Variants in DNAJC10 observed in about 807,000 individuals in gnomAD.
DNAJC10 encodes the protein endoplasmic reticulum disulfide reductase DNAJC10.
A neutral mutation model predicts 115.0 loss-of-function variants in DNAJC10; 101 were observed. The ratio of observed to expected loss-of-function variants is 0.88; its 90% CI spans 0.75 to 1.04. The LOEUF (loss-of-function observed/expected upper bound fraction) is 1.04, where lower values mean the gene tolerates loss of function less well. Ranked by LOEUF, DNAJC10 falls within the 50% of genes least tolerant of loss-of-function variation. The probability of loss-of-function intolerance (pLI) is 0.00; values close to 1 mark genes in which losing one functional copy is unlikely to be tolerated. For missense variants in DNAJC10, 981 were observed against 928.8 expected (o/e 1.06, Z -0.73); for synonymous variants, 307 against 301.5 (o/e 1.02, Z -0.19).
At chr2:182,728,838 A>G in intron 6 of DNAJC10, 25 bp from the exon 7 acceptor site, 1 of 1,613,522 alleles carries the variant, frequency 6.2e-7, no homozygotes, top group Non-Finnish European at 8.5e-7. Context: ...TTATCAGAGA[A>G]ATATGTTTTC....
intron 22 of DNAJC10, 73 bp downstream of exon 22, chr2:182,762,874 G>GTT: frequency 6.9e-7 from 1 of 1,457,206 alleles, no homozygotes; most frequent in Non-Finnish European, 9.2e-7. Flanking sequence ...TCTGAGTAAT[G>GTT]TTTTTTTTCT....
rs1343658328 is a variant in DNAJC10, at chr2:182,794,416, T to C, written c.*17284T>C. 6.6e-6 allele frequency: 1 copy of C among 152,208 alleles called. No homozygotes were observed. The highest frequency in any genetic ancestry group is 1.5e-5 in the Non-Finnish European group (1 of 68,044). The allele number at this position is 152,208 out of a possible 1,614,324, so 9.4% of individuals were successfully genotyped here. A position where few individuals can be genotyped will look rare whatever the true frequency, so the allele number is the denominator to read the frequency against. On this transcript the variant is annotated 3_prime_UTR_variant, in exon 24 of 24. Transcript: ENST00000264065. ...CTGTTTGTCTTTGCAGTGAGCTATG[T>C]TTTTTTATAACATGTAGAAGTGAAA...
chr2:182,772,833 A>G (rs1338186772), intron 22 of DNAJC10, among the ~76,000 whole-genome samples: 2 of 152,130 alleles, frequency 1.3e-5, no homozygotes, highest in Non-Finnish European at 2.9e-5. Flanking sequence ...CATTTAGCCC[A>G]TTTACATTTA....
chr2:182,753,648 T>TCTCA (rs1694084604), intron 16 of DNAJC10, among the ~76,000 whole-genome samples: 1 of 136,592 alleles, frequency 7.3e-6, no homozygotes, highest in Admixed American at 8.0e-5. Context: ...AGTGGTGCAA[T>TCTCA]CTCAGCTCAC....
Position 182,731,125 on chromosome 2 carries a change from T to C in DNAJC10, c.805+18T>C. The C allele has an allele frequency of 6.3e-7, 1 of 1,586,976 alleles. No homozygotes were observed. Among genetic ancestry groups the C allele is most frequent in the South Asian group, 1.1e-5 (1 of 88,580 alleles). On this transcript the variant is annotated intron_variant, in intron 9 of 23. Transcript: ENST00000264065. Reference sequence around the variant, plus strand: ...AGGAGGAGGTAATACTATTTTTTAATTTTGTTGGAATGAGAACATGACATT... The same window carrying C: ...AGGAGGAGGTAATACTATTTTTTAACTTTGTTGGAATGAGAACATGACATT...
rs1175729786 is a variant in DNAJC10 at position 182,731,087 on chromosome 2, CTT to C, written c.789_790del (p.Phe263LeufsTer17). The C allele has an allele frequency of 6.2e-7, 1 of 1,612,302 alleles. No individual in the cohort carries two copies. The highest frequency in any genetic ancestry group is 8.5e-7 in the Non-Finnish European group (1 of 1,179,122). On this transcript the variant is annotated frameshift_variant, in exon 9 of 24. Coordinates refer to ENST00000264065, the MANE Select transcript of DNAJC10 (RefSeq NM_018981.4). LOFTEE classifies it high-confidence loss of function. ...GCTGCTGGTATTGGCTGGCTGATCA[CTT>C]TTTGTTCAAAAGGAGGAGGTAATAC...
intron 14 of DNAJC10, among the ~76,000 whole-genome samples, chr2:182,744,482 T>C (rs1035107807): frequency 6.6e-6 from 1 of 152,184 alleles, no homozygotes; most frequent in African/African-American, 2.4e-5. Context: ...TCAAATAGAT[T>C]TCTGCATAGT....
intron 5 of DNAJC10, among the ~76,000 whole-genome samples, chr2:182,724,494 TTACAG>T (rs1693231077): frequency 6.6e-6 from 1 of 152,160 alleles, no homozygotes; most frequent in South Asian, 2.1e-4. Flanking sequence ...ATTTCAGAAA[TTACAG>T]TAAGACATTA....
At chr2:182,772,213 T>G (rs1283239884) in intron 22 of DNAJC10, among the ~76,000 whole-genome samples, 1 of 152,220 alleles carries the variant, frequency 6.6e-6, no homozygotes, top group African/African-American at 2.4e-5. Flanking sequence ...TTGTTTTACA[T>G]TTGCTGAGGA....
intron 9 of DNAJC10, 80 bp downstream of exon 9, chr2:182,731,187 A>C: frequency 2.0e-6 from 2 of 988,030 alleles, no homozygotes; most frequent in Non-Finnish European, 3.1e-6. Flanking sequence ...TGCTACTGTA[A>C]TTGATTATTA....
intron 16 of DNAJC10, chr2:182,754,765 T>C: frequency 8.1e-7 from 1 of 1,240,698 alleles, no homozygotes; most frequent in South Asian, 2.3e-5. Context: ...TCAATGCCTA[T>C]GGTTCTCATG....
intron 14 of DNAJC10, among the ~76,000 whole-genome samples, chr2:182,750,407 C>T (rs776577564): frequency 1.3e-5 from 2 of 152,128 alleles, no homozygotes; most frequent in Non-Finnish European, 2.9e-5. Context: ...AGTCAAGGCT[C>T]ACTCTGGGGA....
chr2:182,754,740 C>T lies in DNAJC10; in HGVS notation c.1552-263C>T, dbSNP rs1260024245. On this transcript the variant is annotated intron_variant, in intron 16 of 23. Transcript: ENST00000264065. Reference sequence around the variant, plus strand: ...GGACCATTCGTATAATTACCCATGCCGATTTCTCAATGTTTCAATGCCTAT... The same window carrying T: ...GGACCATTCGTATAATTACCCATGCTGATTTCTCAATGTTTCAATGCCTAT... 13 of 1,161,196 alleles carry T rather than the reference C, an allele frequency of 1.1e-5. No homozygotes were observed. In the South Asian group the frequency reaches 1.4e-4, roughly 12 times the overall value. 71.9% of individuals were successfully genotyped at this position (1,161,196 alleles called of 1,614,324 possible).
intron 5 of DNAJC10, among the ~76,000 whole-genome samples, chr2:182,728,150 A>T (rs556683380): frequency 6.6e-6 from 1 of 152,326 alleles, no homozygotes; most frequent in Admixed American, 6.5e-5. Context: ...CCTGTGCTGC[A>T]TGTAATAGAA....
rs980605276 is a variant in DNAJC10 at position 182,726,293 on chromosome 2, A to G, written c.419-2283A>G. On this transcript the variant is annotated intron_variant, in intron 5 of 23. Transcript: ENST00000264065. ...ATTATAATGATCTCATTATAATATAATTATCTCATTATAATAATCTCACCA... is the reference window on the plus strand; with the variant it reads ...ATTATAATGATCTCATTATAATATAGTTATCTCATTATAATAATCTCACCA... Among the ~76,000 whole-genome samples, 4 of 152,144 alleles carry G rather than the reference A, an allele frequency of 2.6e-5. No homozygotes were observed. In the South Asian group the frequency reaches 8.3e-4, roughly 31 times the overall value.
chr2:182,743,642 T>C lies in DNAJC10; in HGVS notation c.1236T>C (p.Asn412=). Residue 412 remains asparagine, a synonymous_variant, in exon 14 of 24, where the codon AAT becomes AAC. Coordinates refer to ENST00000264065, the MANE Select transcript of DNAJC10 (RefSeq NM_018981.4). ...CCTCTGCACCAGACATCTGTAGTAA[T>C]CTGTATGTTTTTCAGCCGTCTCTAG... ...DCSSAPDICS[N]LYVFQPSLAV... 7 of 1,613,780 alleles carry C rather than the reference T, an allele frequency of 4.3e-6. No homozygotes were observed. The highest frequency in any genetic ancestry group is 8.5e-7 in the Non-Finnish European group (1 of 1,179,840).
At chr2:182,770,811 C>A (rs1286477751) in intron 22 of DNAJC10, among the ~76,000 whole-genome samples, 1 of 152,100 alleles carries the variant, frequency 6.6e-6, no homozygotes, top group Non-Finnish European at 1.5e-5. Context: ...CTTTTTCTTG[C>A]CTAATTGCCC....
At chr2:182,726,067 A>G (rs1693275394) in intron 5 of DNAJC10, among the ~76,000 whole-genome samples, 1 of 152,198 alleles carries the variant, frequency 6.6e-6, no homozygotes, top group Non-Finnish European at 1.5e-5. Flanking sequence ...TTCTAGTGTC[A>G]TTAAGAACAT....
At chr2:182,728,280 T>TA (rs1387241457) in intron 5 of DNAJC10, among the ~76,000 whole-genome samples, 1 of 152,180 alleles carries the variant, frequency 6.6e-6, no homozygotes. Context: ...TTTATGGCCA[T>TA]ATTTATCTTG....
Sources: allele counts gnomAD v4.1 joint callset (sites outside exome capture counted in the v4.1 genomes callset), GRCh38; gene constraint gnomAD v4.1.1; transcripts MANE v1.5; gene names NCBI Gene and HGNC (gene_info 2026-07-23, HGNC 2026-07-21).